The following CNTN4 variants were observed in gnomAD, a reference collection of about 807,000 sequenced individuals.
CNTN4 encodes contactin 4, also known as contactin-4.
In CNTN4, 77 loss-of-function variants were observed where a neutral mutation model predicts 122.5. The observed-to-expected ratio is 0.63, with a 90% CI of 0.52 to 0.76. CNTN4 has a LOEUF of 0.76. CNTN4 is among the 30% of genes least tolerant of loss of function. The probability of loss-of-function intolerance (pLI) is 0.00; values close to 1 mark genes in which losing one functional copy is unlikely to be tolerated. For missense variants in CNTN4, 1,256 were observed against 1,259.1 expected (o/e 1.00, Z 0.04); for synonymous variants, 512 against 447.0 (o/e 1.15, Z -1.83).
chr3:2,967,338 T>G (rs978786596), intron 13 of CNTN4, among the ~76,000 whole-genome samples: 1 of 152,170 alleles, frequency 6.6e-6, no homozygotes, highest in Non-Finnish European at 1.5e-5. Context: ...GTCTTAGATT[T>G]TACAATAGTG....
intron 7 of CNTN4, among the ~76,000 whole-genome samples, chr3:2,846,413 T>C (rs2093456848): frequency 1.3e-5 from 2 of 152,170 alleles, no homozygotes; most frequent in Non-Finnish European, 2.9e-5. Context: ...CCTACCACCA[T>C]GATTGTAAGT....
In CNTN4 at chr3:2,190,729, T is replaced by A. The variant is rs189634650; in HGVS notation, c.-145+90090T>A. ...GCCTATTACATTTCTACAGCTTTCT[T>A]TGGGCTTGCTGTTTTCTAAATTCAA... On this transcript the variant is annotated intron_variant, in intron 2 of 24. Transcript: ENST00000418658. 1.4e-4 allele frequency among the ~76,000 whole-genome samples: 21 copies of A among 151,966 alleles called. No homozygotes were observed. In the East Asian group the frequency reaches 3.1e-3, roughly 22 times the overall value.
chr3:2,399,575 T>G (rs1243730138), intron 3 of CNTN4, among the ~76,000 whole-genome samples: 1 of 152,114 alleles, frequency 6.6e-6, no homozygotes, highest in Non-Finnish European at 1.5e-5. Context: ...TAAATGAAAA[T>G]GTTAATATTA....
intron 7 of CNTN4, among the ~76,000 whole-genome samples, chr3:2,840,106 C>A (rs1441856590): frequency 2.0e-5 from 3 of 152,066 alleles, no homozygotes; most frequent in African/African-American, 7.2e-5. Context: ...GAAGCCCAAC[C>A]CAATAACTTC....
chr3:3,036,784 G>T (rs200926476), intron 17 of CNTN4, among the ~76,000 whole-genome samples: 1 of 141,750 alleles, frequency 7.1e-6, no homozygotes, highest in African/African-American at 2.6e-5. Flanking sequence ...CTCAAAAAAA[G>T]AAAAAAAAAA....
chr3:2,591,941 A>C (rs920255126), intron 4 of CNTN4, among the ~76,000 whole-genome samples: 4 of 151,984 alleles, frequency 2.6e-5, no homozygotes, highest in African/African-American at 9.7e-5. Context: ...TAAGTAGTGC[A>C]ATCATAGCTC....
chr3:2,898,984 C>T (rs2094143844), intron 10 of CNTN4, among the ~76,000 whole-genome samples: 1 of 152,134 alleles, frequency 6.6e-6, no homozygotes, highest in Non-Finnish European at 1.5e-5. Context: ...TAGGTTATAA[C>T]CCTTCATTCA....
At chr3:2,403,195 C>T (rs2046919693) in intron 3 of CNTN4, among the ~76,000 whole-genome samples, 1 of 151,986 alleles carries the variant, frequency 6.6e-6, no homozygotes, top group African/African-American at 2.4e-5. Flanking sequence ...GGATGCCAGC[C>T]ATATTTGATT....
rs879873905 is a variant in CNTN4 at position 2,878,573 on chromosome 3, G to A, written c.653-4572G>A. On this transcript the variant is annotated intron_variant, in intron 8 of 24. Transcript: ENST00000418658. Reference sequence around the variant, plus strand: ...GCTCTCTGTGTGTGTGTGTGTGTGTGTGTGTGTGTGTGTGTGTCTTTCTGT... The same window carrying A: ...GCTCTCTGTGTGTGTGTGTGTGTGTATGTGTGTGTGTGTGTGTCTTTCTGT... Among the ~76,000 whole-genome samples, 162 of 152,008 alleles carry A rather than the reference G, an allele frequency of 1.1e-3. 2 individuals carry two copies. The highest frequency in any genetic ancestry group is 3.7e-3 in the African/African-American group (153 of 41,462).
chr3:2,414,608 A>G (rs536124870), intron 3 of CNTN4, among the ~76,000 whole-genome samples: 19 of 152,270 alleles, frequency 1.2e-4, no homozygotes, highest in African/African-American at 4.6e-4. Flanking sequence ...GAATATGATC[A>G]TAGTAGATTA....
At chr3:2,387,546 C>T (rs1308521358) in intron 3 of CNTN4, among the ~76,000 whole-genome samples, 1 of 151,802 alleles carries the variant, frequency 6.6e-6, no homozygotes, top group Non-Finnish European at 1.5e-5. Context: ...GTTTATATTA[C>T]TATTTGGTTA....
intron 3 of CNTN4, among the ~76,000 whole-genome samples, chr3:2,565,678 A>G (rs1273737874): frequency 6.6e-6 from 1 of 152,184 alleles, no homozygotes; most frequent in South Asian, 2.1e-4. Context: ...CATTCAACAA[A>G]TATCTATTGA....
intron 3 of CNTN4, among the ~76,000 whole-genome samples, chr3:2,399,163 C>A (rs1299365398): frequency 1.3e-5 from 2 of 151,968 alleles, no homozygotes; most frequent in Non-Finnish European, 2.9e-5. Context: ...CTTTCCCCAC[C>A]CAATATCTGT....
intron 2 of CNTN4, among the ~76,000 whole-genome samples, chr3:2,186,313 C>G (rs751651450): frequency 1.6e-4 from 24 of 152,138 alleles, no homozygotes; most frequent in Non-Finnish European, 2.4e-4. Flanking sequence ...GCCACATTTT[C>G]TTAATCCAGT....
intron 3 of CNTN4, among the ~76,000 whole-genome samples, chr3:2,567,633 C>T (rs1034215198): frequency 2.0e-5 from 3 of 152,152 alleles, no homozygotes; most frequent in Non-Finnish European, 2.9e-5. Flanking sequence ...ATAGATGGAC[C>T]ACACAGCTGG....
At chr3:2,928,991 G>C (rs1410280681) in intron 13 of CNTN4, among the ~76,000 whole-genome samples, 1 of 152,096 alleles carries the variant, frequency 6.6e-6, no homozygotes, top group Non-Finnish European at 1.5e-5. Context: ...CATTCTTTTG[G>C]AAATATACAG....
intron 4 of CNTN4, among the ~76,000 whole-genome samples, chr3:2,693,215 T>G (rs912836139): frequency 1.3e-5 from 2 of 152,186 alleles, no homozygotes; most frequent in Non-Finnish European, 2.9e-5. Context: ...TTATATAACC[T>G]GAAACACACA....
intron 3 of CNTN4, among the ~76,000 whole-genome samples, chr3:2,493,555 G>A (rs528512417): frequency 6.6e-6 from 1 of 151,124 alleles, no homozygotes; most frequent in East Asian, 1.9e-4. Context: ...AGTGATTTCT[G>A]CCACTATAGT....
intron 4 of CNTN4, among the ~76,000 whole-genome samples, chr3:2,633,625 A>G (rs1276320222): frequency 6.6e-6 from 1 of 152,186 alleles, no homozygotes; most frequent in African/African-American, 2.4e-5. Context: ...ATTAGTGATG[A>G]TAATGTAATC....
Sources: allele counts gnomAD v4.1 joint callset (sites outside exome capture counted in the v4.1 genomes callset), GRCh38; gene constraint gnomAD v4.1.1; transcripts MANE v1.5; gene names NCBI Gene and HGNC (gene_info 2026-07-23, HGNC 2026-07-21).